Variants in NOSTRIN observed in about 807,000 individuals in gnomAD.
NOSTRIN encodes nitric oxide synthase trafficking, also known as BM247 homolog.
Under a neutral mutation model 59.0 loss-of-function variants are expected in NOSTRIN, and 63 were observed. The ratio of observed to expected loss-of-function variants is 1.07; its 90% CI spans 0.87 to 1.32. NOSTRIN has a LOEUF of 1.32. NOSTRIN is among the 40% of genes most tolerant of loss of function. The pLI, the probability that NOSTRIN is intolerant of heterozygous loss-of-function variation, is 0.00. For missense variants in NOSTRIN, 512 were observed against 473.1 expected (o/e 1.08, Z -0.76); for synonymous variants, 200 against 165.4 (o/e 1.21, Z -1.61).
chr2:168,798,078 A>T (rs1482980103), upstream of NOSTRIN: 3 of 152,198 alleles, frequency 2.0e-5, no homozygotes, highest in East Asian at 5.8e-4. Context: ...AATGCTATGT[A>T]AACGTTATAT....
upstream of NOSTRIN, among the ~76,000 whole-genome samples, chr2:168,800,263 T>A (rs994051277): frequency 6.6e-6 from 1 of 152,212 alleles, no homozygotes; most frequent in Admixed American, 6.5e-5. Context: ...CCAGCTAAAC[T>A]ACAGATTTGT....
chr2:168,795,650 C>G (rs977645409), upstream of NOSTRIN, among the ~76,000 whole-genome samples: 3 of 152,152 alleles, frequency 2.0e-5, no homozygotes, highest in Non-Finnish European at 4.4e-5. Context: ...GACTATAAGA[C>G]AGTTTTGCAT....
chr2:168,789,049 C>G (rs764203732), intron 2 of NOSTRIN, among the ~76,000 whole-genome samples: 1 of 152,176 alleles, frequency 6.6e-6, no homozygotes, highest in African/African-American at 2.4e-5. Context: ...ATCCTAAACC[C>G]ATTCTCCACT....
intron 2 of NOSTRIN, among the ~76,000 whole-genome samples, chr2:168,820,265 C>A (rs1686655329): frequency 6.6e-6 from 1 of 151,718 alleles, no homozygotes; most frequent in Admixed American, 6.6e-5. Context: ...ACTGACCCAA[C>A]TCTCTGTGCC....
At chr2:168,846,665 A>G (rs1030969857) in intron 8 of NOSTRIN, among the ~76,000 whole-genome samples, 2 of 152,250 alleles carry the variant, frequency 1.3e-5, no homozygotes, top group Non-Finnish European at 1.5e-5. Flanking sequence ...ACTACCAAGA[A>G]TTACAAAGAA....
At chr2:168,846,723 G>T (rs976150554) in intron 8 of NOSTRIN, among the ~76,000 whole-genome samples, 1 of 151,502 alleles carries the variant, frequency 6.6e-6, no homozygotes, top group African/African-American at 2.4e-5. Flanking sequence ...ATTTTTAAAA[G>T]CCATCTGCAA....
At chr2:168,814,267 A>G (rs1397792732) in intron 2 of NOSTRIN, among the ~76,000 whole-genome samples, 2 of 152,204 alleles carry the variant, frequency 1.3e-5, no homozygotes, top group African/African-American at 4.8e-5. Flanking sequence ...AACTGAGTCA[A>G]CAATTATGTT....
upstream of NOSTRIN, among the ~76,000 whole-genome samples, chr2:168,796,839 C>T (rs1685490813): frequency 6.6e-6 from 1 of 152,138 alleles, no homozygotes; most frequent in African/African-American, 2.4e-5. Context: ...GTGTTTTGAA[C>T]TCTGCTTCCT....
At chr2:168,787,029 C>G (rs1362005700) in intron 1 of NOSTRIN, 2 of 152,166 alleles carry the variant, frequency 1.3e-5, no homozygotes, top group Non-Finnish European at 2.9e-5. Flanking sequence ...ACACCCGGCC[C>G]CAAATTCTTT....
In NOSTRIN at chr2:168,851,157, C is replaced by A; in HGVS notation, c.704C>A (p.Ser235Tyr). ...NNLNQYSQHI[S>Y]LFGQTLTTCH... ...TTAAACCAGTACAGCCAACATATTT[C>A]TCTTTTTGGCCAAACCCTGACCACA... is the stretch of plus-strand genomic sequence containing the variant. Residue 235 changes from serine (S) to tyrosine (Y), a missense_variant, in exon 9 of 16, where the codon TCT becomes TAT. Transcript: ENST00000317647. 6.2e-7 allele frequency: 1 copy of A among 1,612,634 alleles called. No individual in the cohort carries two copies. Among genetic ancestry groups the A allele is most frequent in the Non-Finnish European group, 8.5e-7 (1 of 1,178,592 alleles).
At position 168,828,217 on chromosome 2, in the gene NOSTRIN, A is replaced by C; in HGVS notation, c.257A>C (p.His86Pro). ...SEGMKSTADL[H>P]QKLGKAIELE... ...GGAATGAAATCCACAGCGGACCTGC[A>C]TCAGTGAGTTCTCCCACCCTGGCCT... The change falls in exon 4 of 16, where the codon CAT becomes CCT. Residue 86 changes from histidine to proline, a missense_variant. Coordinates refer to ENST00000317647, the MANE Select transcript of NOSTRIN (RefSeq NM_001039724.4). 1 of 872,996 alleles carries C rather than the reference A, an allele frequency of 1.1e-6. No individual in the cohort carries two copies. The highest frequency in any genetic ancestry group is 2.0e-6 in the Non-Finnish European group (1 of 501,682). The allele number at this position is 872,996 out of a possible 1,614,324, so 54.1% of individuals were successfully genotyped here.
upstream of NOSTRIN, among the ~76,000 whole-genome samples, chr2:168,796,026 T>G (rs1685469457): frequency 6.6e-6 from 1 of 152,162 alleles, no homozygotes; most frequent in Non-Finnish European, 1.5e-5. Context: ...TGGAGAGATA[T>G]GGAAATTAAG....
rs542943261 is a variant in NOSTRIN, at chr2:168,845,914, A to C, written c.630+2797A>C. ...TGGATTTTTGCTACCTCTATGCTGGAGGCCACCAGTGTTTCAGTCCGTGTC... is the reference window on the plus strand; with the variant it reads ...TGGATTTTTGCTACCTCTATGCTGGCGGCCACCAGTGTTTCAGTCCGTGTC... On this transcript the variant is annotated intron_variant, in intron 8 of 15. Coordinates refer to ENST00000317647, the MANE Select transcript of NOSTRIN (RefSeq NM_001039724.4). Among the ~76,000 whole-genome samples, 6 of 150,274 alleles carry C rather than the reference A, an allele frequency of 4.0e-5. No individual in the cohort carries two copies. The South Asian group carries it at 1.3e-3, about 32-fold the overall frequency.
At chr2:168,849,856 C>T (rs1193948473) in intron 8 of NOSTRIN, among the ~76,000 whole-genome samples, 1 of 151,814 alleles carries the variant, frequency 6.6e-6, no homozygotes, top group Non-Finnish European at 1.5e-5. Flanking sequence ...AAGCTTTCTG[C>T]CCCCTGTAAA....
chr2:168,823,382 TG>T (rs1686868018), intron 2 of NOSTRIN, among the ~76,000 whole-genome samples: 1 of 152,160 alleles, frequency 6.6e-6, no homozygotes, highest in South Asian at 2.1e-4. Flanking sequence ...ACAACAGAAG[TG>T]TGTTGTCTCA....
rs114717993 is a variant in NOSTRIN at position 168,788,526 on chromosome 2, G to T, written c.-473+478G>T. On this transcript the variant is annotated intron_variant, in intron 2 of 20. Coordinates refer to the NOSTRIN transcript ENST00000458381. ...CACACAAGGTGGGAGTGAGGAGTTG[G>T]AGGAGGAAGCATGAAGAATCAAAGC... Among the ~76,000 whole-genome samples the T allele has an allele frequency of 6.2e-3, 938 of 152,212 alleles. 5 individuals carry two copies. Among genetic ancestry groups the T allele is most frequent in the African/African-American group, 0.021 (880 of 41,524 alleles).
At chr2:168,798,751 A>C (rs1685545406), upstream of NOSTRIN, among the ~76,000 whole-genome samples, 8 of 152,104 alleles carry the variant, frequency 5.3e-5, no homozygotes, top group Admixed American at 5.2e-4. Context: ...TGTGCATTAA[A>C]ATTTTCAGAA....
chr2:168,798,145 C>T (rs1685532374), upstream of NOSTRIN: 1 of 152,048 alleles, frequency 6.6e-6, no homozygotes, highest in African/African-American at 2.4e-5. Flanking sequence ...TTATTATTTT[C>T]AATCTACAGA....
At chr2:168,790,691 T>G (rs1029425079) in intron 2 of NOSTRIN, among the ~76,000 whole-genome samples, 7 of 152,224 alleles carry the variant, frequency 4.6e-5, no homozygotes, top group Admixed American at 4.6e-4. Flanking sequence ...AGTGACTGAA[T>G]GCCAGGCACA....
Sources: allele counts gnomAD v4.1 joint callset (sites outside exome capture counted in the v4.1 genomes callset), GRCh38; gene constraint gnomAD v4.1.1; transcripts MANE v1.5; gene names NCBI Gene and HGNC (gene_info 2026-07-23, HGNC 2026-07-21).